Variants in ARB2A observed in about 807,000 individuals in gnomAD.
ARB2A encodes the protein cotranscriptional regulator ARB2A.
the ARB2A span, among the ~76,000 whole-genome samples, chr5:93,945,190 C>T: frequency 6.6e-6 from 1 of 152,264 alleles, no homozygotes; most frequent in South Asian, 2.1e-4. Context: ...CGCCTATAAT[C>T]CCAAGACTTT....
chr5:94,044,486 C>T, the ARB2A span, among the ~76,000 whole-genome samples: 1 of 152,124 alleles, frequency 6.6e-6, no homozygotes, highest in Non-Finnish European at 1.5e-5. Context: ...ATCATCGCCC[C>T]TATTCAGCCT....
chr5:93,986,468 G>T, the ARB2A span, among the ~76,000 whole-genome samples: 5 of 151,622 alleles, frequency 3.3e-5, no homozygotes, highest in Non-Finnish European at 7.4e-5. Context: ...CGGCCGCCAC[G>T]TCTGGGAAGT....
At chr5:93,999,741 G>A in the ARB2A span, among the ~76,000 whole-genome samples, 1 of 151,814 alleles carries the variant, frequency 6.6e-6, no homozygotes, top group African/African-American at 2.4e-5. Context: ...TATGAGTTTG[G>A]ACAAATATAT....
At chr5:93,641,867 GA>G in the ARB2A span, among the ~76,000 whole-genome samples, 1 of 152,046 alleles carries the variant, frequency 6.6e-6, no homozygotes, top group East Asian at 1.9e-4. Context: ...ATTATAGTAG[GA>G]AAAAAAGGGA....
chr5:94,109,878 C>CTT, the ARB2A span, among the ~76,000 whole-genome samples: 40 of 96,226 alleles, frequency 4.2e-4, no homozygotes, highest in African/African-American at 7.2e-4. Context: ...CTCTATACCT[C>CTT]TTTTTTTTTT....
the ARB2A span, among the ~76,000 whole-genome samples, chr5:93,643,146 A>G: frequency 1.3e-5 from 2 of 152,176 alleles, no homozygotes; most frequent in African/African-American, 2.4e-5. Context: ...TGTGTAACAG[A>G]AAGTTTGAAG....
At chr5:93,784,531 T>C in the ARB2A span, 1 of 1,556,852 alleles carries the variant, frequency 6.4e-7, no homozygotes, top group East Asian at 2.2e-5. Flanking sequence ...AAATATTGGC[T>C]ATAATTGTTT....
the ARB2A span, among the ~76,000 whole-genome samples, chr5:93,786,234 T>C: frequency 6.6e-6 from 1 of 152,188 alleles, no homozygotes; most frequent in African/African-American, 2.4e-5. Context: ...TGAAATGAGA[T>C]ACAATAAAGT....
the ARB2A span, among the ~76,000 whole-genome samples, chr5:94,041,396 T>C: frequency 6.6e-6 from 1 of 152,130 alleles, no homozygotes; most frequent in Non-Finnish European, 1.5e-5. Flanking sequence ...CTTTTCACAA[T>C]GGCAGCCCAG....
the ARB2A span, among the ~76,000 whole-genome samples, chr5:93,649,537 T>C: frequency 6.6e-6 from 1 of 152,216 alleles, no homozygotes. Flanking sequence ...GGTAAATTCC[T>C]AACAAAAAGG....
the ARB2A span, among the ~76,000 whole-genome samples, chr5:93,986,116 G>A: frequency 3.0e-4 from 42 of 138,598 alleles, no homozygotes; most frequent in East Asian, 1.2e-3. Context: ...CCGCCACCCC[G>A]TCTGGGAGGT....
chr5:93,892,710 T>C, the ARB2A span, among the ~76,000 whole-genome samples: 1 of 152,142 alleles, frequency 6.6e-6, no homozygotes, highest in African/African-American at 2.4e-5. Flanking sequence ...TCCCTTTCCC[T>C]CTCAACACTT....
the ARB2A span, among the ~76,000 whole-genome samples, chr5:93,670,889 T>C: frequency 6.6e-6 from 1 of 152,238 alleles, no homozygotes; most frequent in African/African-American, 2.4e-5. Context: ...AATTGTACTA[T>C]TTAAAATAAT....
At chr5:93,867,604 G>T in the ARB2A span, among the ~76,000 whole-genome samples, 1 of 152,042 alleles carries the variant, frequency 6.6e-6, no homozygotes, top group Non-Finnish European at 1.5e-5. Context: ...TTTGAGTAGA[G>T]ACGGGGTTTC....
chr5:93,879,659 A>C, the ARB2A span, among the ~76,000 whole-genome samples: 1 of 151,924 alleles, frequency 6.6e-6, no homozygotes. Flanking sequence ...AAATGCATGC[A>C]TAAAGAGAAC....
At chr5:94,064,634 T>C in the ARB2A span, among the ~76,000 whole-genome samples, 11 of 152,214 alleles carry the variant, frequency 7.2e-5, no homozygotes, top group Non-Finnish European at 1.5e-4. Context: ...ATCAGACTAA[T>C]AGCACATTGC....
At chr5:93,892,598 AC>A in the ARB2A span, among the ~76,000 whole-genome samples, 4 of 152,164 alleles carry the variant, frequency 2.6e-5, no homozygotes, top group African/African-American at 9.6e-5. Context: ...GGGGGGGAAA[AC>A]CACACACCAC....
chr5:93,932,701 A>C, the ARB2A span, among the ~76,000 whole-genome samples: 6 of 152,192 alleles, frequency 3.9e-5, no homozygotes, highest in Admixed American at 3.3e-4. Flanking sequence ...ATGAGAAGTA[A>C]ATACTGGTCT....
the ARB2A span, among the ~76,000 whole-genome samples, chr5:93,818,424 T>C: frequency 6.6e-6 from 1 of 152,206 alleles, no homozygotes; most frequent in African/African-American, 2.4e-5. Flanking sequence ...TTTCAATAAA[T>C]CTTAATAAAT....
Sources: gnomAD v4.1 joint callset for allele counts (sites outside exome capture counted in the v4.1 genomes callset) on GRCh38, gnomAD v4.1.1 for gene constraint, MANE v1.5 for transcripts, NCBI Gene and HGNC (gene_info 2026-07-23, HGNC 2026-07-21) for gene names.